The following ZMAT1 variants were observed in gnomAD, a reference collection of about 807,000 sequenced individuals.
The protein encoded by ZMAT1 is zinc finger matrin-type 1.
A neutral mutation model predicts 18.5 loss-of-function variants in ZMAT1; 11 were observed. That is an observed-to-expected ratio of 0.59 (90% CI 0.37 to 0.98). ZMAT1 has a LOEUF of 0.98. Among genes scored for constraint, ZMAT1 ranks in the 50% least tolerant of loss-of-function variants. The pLI is 0.01. For missense variants in ZMAT1, 525 were observed against 496.2 expected, an observed-to-expected ratio of 1.06 and a Z score of -0.55; for synonymous variants, 211 against 176.4, an observed-to-expected ratio of 1.20 and a Z score of -1.55.
chrX:101,931,530 T>G (rs11797203), intron 1 of ZMAT1, 187 bp downstream of exon 1: 129,822 of 742,951 alleles, frequency 0.17, 8,084 homozygotes, highest in Middle Eastern at 0.22. Flanking sequence ...AGGCCCTCTC[T>G]GCTTCAGTCC....
intron 1 of ZMAT1, 66 bp downstream of exon 1, chrX:101,931,651 C>T: frequency 9.4e-6 from 7 of 745,477 alleles, no homozygotes; most frequent in Non-Finnish European, 1.1e-5. Flanking sequence ...AGCCCAATCT[C>T]GGACGGGCTG....
chrX:101,902,331 C>T (rs1339707757), intron 2 of ZMAT1, among the ~76,000 whole-genome samples: 2 of 111,548 alleles, frequency 1.8e-5, no homozygotes, highest in Non-Finnish European at 3.8e-5. Context: ...ATTCTAGACA[C>T]GAATCCTTCG....
chrX:101,889,146 C>A (rs1927186104), intron 4 of ZMAT1: 1 of 111,640 alleles, frequency 9.0e-6, no homozygotes, highest in Non-Finnish European at 1.9e-5. Context: ...AGGATTCAGA[C>A]ATCTCAGAAA....
At chrX:101,929,438 T>TTCTATATATATAGA (rs1930312929) in intron 1 of ZMAT1, among the ~76,000 whole-genome samples, 1 of 82,531 alleles carries the variant, frequency 1.2e-5, no homozygotes, top group African/African-American at 5.4e-5. Context: ...TATATATATA[T>TTCTATATATATAGA]ATATATATAT....
chrX:101,907,282 C>G (rs943358022), intron 1 of ZMAT1, among the ~76,000 whole-genome samples: 11 of 111,633 alleles, frequency 9.9e-5, no homozygotes, highest in Non-Finnish European at 1.7e-4. Context: ...TCAACACAGG[C>G]TGTAGGTCCA....
At chrX:101,897,482 A>C (rs1157715216) in intron 4 of ZMAT1, among the ~76,000 whole-genome samples, 4 of 107,257 alleles carry the variant, frequency 3.7e-5, no homozygotes, top group Non-Finnish European at 7.7e-5. Context: ...TAGAACTTAA[A>C]GTATAATAAT....
intron 1 of ZMAT1, among the ~76,000 whole-genome samples, chrX:101,923,166 C>T (rs774001305): frequency 4.3e-4 from 48 of 111,992 alleles, no homozygotes; most frequent in Non-Finnish European, 7.9e-4. Flanking sequence ...TTTTCTCTTC[C>T]TTAACTGATT....
rs948597635 is a variant in ZMAT1, at chrX:101,883,915, T to C, written c.1683A>G (p.Gln561=). ...EKPVPLSLNQ[Q]ENNSGSYSVE... ...CACTGTATGAGCCAGAGTTATTTTC[T>C]TGCTGATTAAGGCTCAAGGGTACTG... is the stretch of plus-strand genomic sequence containing the variant. Residue 561 remains glutamine, a synonymous_variant, in exon 6 of 6, where the codon CAA becomes CAG. Coordinates refer to ENST00000651725, the MANE Select transcript of ZMAT1 (RefSeq NM_001394560.1). 3.4e-5 allele frequency: 41 copies of C among 1,210,714 alleles called. No homozygotes were observed. The highest frequency in any genetic ancestry group is 4.6e-5 in the Non-Finnish European group (41 of 895,085).
At chrX:101,912,146 T>C in intron 1 of ZMAT1, 1 of 788,166 alleles carries the variant, frequency 1.3e-6, no homozygotes. Flanking sequence ...TTTGACTCAA[T>C]CATACACATG....
At chrX:101,912,835 G>C (rs113683039) in intron 1 of ZMAT1, among the ~76,000 whole-genome samples, 6,713 of 111,614 alleles carry the variant, frequency 0.06, 434 homozygotes, top group African/African-American at 0.19. Flanking sequence ...CTTTGTATGG[G>C]AAGACTCAAA....
chrX:101,901,605 T>C lies in ZMAT1; in HGVS notation c.399+2619A>G, dbSNP rs370105272. On this transcript the variant is annotated intron_variant, in intron 2 of 5. Coordinates refer to ENST00000651725, the MANE Select transcript of ZMAT1 (RefSeq NM_001394560.1). ...TAAAAGAGGTAAAATTTTACAGATA[T>C]AATCCTATACCCTCATGCTCACAAT... Among the ~76,000 whole-genome samples, 30 of 111,881 alleles carry C rather than the reference T, an allele frequency of 2.7e-4. 3 individuals are homozygous for C. The highest frequency in any genetic ancestry group is 2.2e-3 in the East Asian group (8 of 3,572).
At chrX:101,902,856 C>G (rs919321682) in intron 2 of ZMAT1, among the ~76,000 whole-genome samples, 1 of 111,316 alleles carries the variant, frequency 9.0e-6, no homozygotes, top group Non-Finnish European at 1.9e-5. Context: ...TTCTGCAATA[C>G]TGTTATATTT....
intron 1 of ZMAT1, among the ~76,000 whole-genome samples, chrX:101,922,171 GTGT>G (rs1025213491): frequency 1.3e-4 from 14 of 111,118 alleles, no homozygotes; most frequent in Non-Finnish European, 2.5e-4. Context: ...TATAAAATGG[GTGT>G]TGTTTTCCAG....
At chrX:101,927,789 T>G (rs1333867101) in intron 1 of ZMAT1, among the ~76,000 whole-genome samples, 1 of 112,135 alleles carries the variant, frequency 8.9e-6, no homozygotes, top group East Asian at 2.8e-4. Flanking sequence ...TGTGAATGAA[T>G]CTGCAAGGCT....
At chrX:101,920,185 T>C (rs1929631184) in intron 1 of ZMAT1, among the ~76,000 whole-genome samples, 1 of 109,749 alleles carries the variant, frequency 9.1e-6, no homozygotes, top group Non-Finnish European at 1.9e-5. Flanking sequence ...ACTACAGGCA[T>C]ACACCACCAT....
At position 101,931,816 on chromosome X, in the gene ZMAT1, C is replaced by T; in HGVS notation, c.193G>A (p.Gly65Ser). Residue 65 changes from glycine to serine, a missense_variant, in exon 1 of 6, where the codon GGC becomes AGC. Coordinates refer to ENST00000651725, the MANE Select transcript of ZMAT1 (RefSeq NM_001394560.1). ...CCAAAGCCGCCGCCGCCGCCGTCGC[C>T]ACAGCCACCGGCAGGCGGGCAGGCA... The part of the protein sequence containing the change: ...APACPPAGGC[G>S]DGGGGGFGGS... 2.6e-6 allele frequency: 2 copies of T among 783,930 alleles called. No homozygotes were observed. The highest frequency in any genetic ancestry group is 3.0e-6 in the Non-Finnish European group (2 of 660,465). The allele number at this position is 783,930 out of a possible 1,213,427, so 64.6% of individuals were successfully genotyped here. A position where few individuals can be genotyped will look rare whatever the true frequency, so the allele number is the denominator to read the frequency against.
In ZMAT1 at chrX:101,883,816, T is replaced by C; in HGVS notation, c.1782A>G (p.Lys594=). ...CTAGGTGTCGTTTTCTCTTCTGATG[T>C]TTCCGTTTATGACCTGCTTGATGGT... ...TADHQAGHKR[K]HQKRKRHLEE... is the part of the protein sequence containing the mutation. Residue 594 remains lysine, a synonymous_variant, in exon 6 of 6, where the codon AAA becomes AAG. Coordinates refer to ENST00000651725, the MANE Select transcript of ZMAT1 (RefSeq NM_001394560.1). The C allele has an allele frequency of 8.3e-7, 1 of 1,210,660 alleles. No individual in the cohort carries two copies. Among genetic ancestry groups the C allele is most frequent in the Admixed American group, 2.2e-5 (1 of 45,749 alleles).
intron 4 of ZMAT1, among the ~76,000 whole-genome samples, chrX:101,893,029 T>C (rs981106869): frequency 8.9e-6 from 1 of 111,825 alleles, no homozygotes; most frequent in Non-Finnish European, 1.9e-5. Flanking sequence ...GCTCTCAAAA[T>C]GAAAGAGCCA....
rs1342520307 is a variant in ZMAT1 at position 101,883,584 on chromosome X, T to C, written c.2014A>G (p.Lys672Glu). The change falls in exon 6 of 6, where the codon AAA (lysine) becomes GAA (glutamate). Residue 672 changes from lysine to glutamate, a missense_variant. By Grantham distance (56) the Lys-to-Glu change is moderately conservative. Transcript: ENST00000651725. Reference sequence around the variant, plus strand: ...TCTTCAACAGATTTCTTTTTCTCTTTCCTGTGCTTACGTTCTTCTTTCTCG... The same window carrying C: ...TCTTCAACAGATTTCTTTTTCTCTTCCCTGTGCTTACGTTCTTCTTTCTCG... Reference protein sequence around the residue: ...PSEKEERKHRKEKKKSVEERT... With the variant: ...PSEKEERKHREEKKKSVEERT... 8.3e-7 allele frequency: 1 copy of C among 1,207,790 alleles called. No homozygotes were observed. Among genetic ancestry groups the C allele is most frequent in the Non-Finnish European group, 1.1e-6 (1 of 894,548 alleles).
Sources: gnomAD v4.1 joint callset for allele counts (sites outside exome capture counted in the v4.1 genomes callset) on GRCh38, gnomAD v4.1.1 for gene constraint, MANE v1.5 for transcripts, NCBI Gene and HGNC (gene_info 2026-07-23, HGNC 2026-07-21) for gene names.